Variants in OGDH observed in about 807,000 individuals in gnomAD.
The protein encoded by OGDH is oxoglutarate dehydrogenase.
OGDH carries 38 observed loss-of-function variants against 116.6 expected under a neutral mutation model. The observed-to-expected ratio is 0.33, with a 90% confidence interval of 0.25 to 0.43. OGDH has a LOEUF of 0.43. OGDH is among the 20% of genes least tolerant of loss of function. OGDH has a pLI of 1.00. For synonymous variants in OGDH, 488 were observed against 533.3 expected (o/e 0.92, Z 1.17); for missense variants, 825 against 1,357.2 (o/e 0.61, Z 6.16).
At chr7:44,610,425 T>G (rs371693834) in intron 1 of OGDH, among the ~76,000 whole-genome samples, 8 of 152,040 alleles carry the variant, frequency 5.3e-5, no homozygotes, top group Middle Eastern at 6.8e-3. Context: ...CGCCTCAGCC[T>G]CCTGAGTAGC....
chr7:44,652,359 C>G (rs1786487823), intron 4 of OGDH, among the ~76,000 whole-genome samples: 1 of 152,116 alleles, frequency 6.6e-6, no homozygotes, highest in South Asian at 2.1e-4. Context: ...ATGCCCTCGC[C>G]TCAGCCTCCC....
chr7:44,647,695 G>T lies in OGDH; in HGVS notation c.453G>T (p.Gly151=). 2 of 1,613,996 alleles carry T rather than the reference G, an allele frequency of 1.2e-6. No individual in the cohort carries two copies. The highest frequency in any genetic ancestry group is 1.7e-6 in the Non-Finnish European group (2 of 1,180,010). Residue 151 remains glycine (G), a synonymous_variant, in exon 4 of 23, where the codon GGG becomes GGT. Transcript: ENST00000222673. ...ATGTAGCACAGCTGGACCCCCTGGG[G>T]ATTTTGGATGCTGATCTGGACTCCT... The part of the protein sequence containing the change: ...GHHVAQLDPL[G]ILDADLDSSV...
intron 1 of OGDH, among the ~76,000 whole-genome samples, chr7:44,609,168 C>G (rs1303753741): frequency 6.6e-6 from 1 of 151,942 alleles, no homozygotes; most frequent in African/African-American, 2.4e-5. Flanking sequence ...TTCCAGTCAG[C>G]TTAATTCCCT....
Position 44,694,346 on chromosome 7 carries a change from A to G in OGDH, c.1516-78A>G, listed in dbSNP as rs1788489907. 9.0e-6 allele frequency: 14 copies of G among 1,557,230 alleles called. No homozygotes were observed. Among genetic ancestry groups the G allele is most frequent in the Non-Finnish European group, 1.2e-5 (14 of 1,148,086 alleles). On this transcript the variant is annotated intron_variant, in intron 11 of 22. Coordinates refer to ENST00000222673, the MANE Select transcript of OGDH (RefSeq NM_002541.4). The surrounding 1 kb of genome is among the most constrained non-coding windows in gnomAD (Gnocchi z 4.2). ...AGAACGTGGCCATCACCTAGGAGAG[A>G]TGGGGCAGGTGCCTGAACAGCACTT... is the stretch of plus-strand genomic sequence containing the variant.
chr7:44,671,135 G>T (rs1230814387), intron 5 of OGDH, among the ~76,000 whole-genome samples: 1 of 152,128 alleles, frequency 6.6e-6, no homozygotes, highest in Admixed American at 6.6e-5. Flanking sequence ...TGAAAAAGGG[G>T]TTATTTGGCT....
At chr7:44,703,845 G>A (rs990538010) in intron 20 of OGDH, among the ~76,000 whole-genome samples, 3 of 151,402 alleles carry the variant, frequency 2.0e-5, no homozygotes, top group East Asian at 3.9e-4. Context: ...AGATCACGCC[G>A]TTGCACTCCA....
chr7:44,697,834 T>A lies in OGDH; in HGVS notation c.2358+52T>A, dbSNP rs749177781. The A allele has an allele frequency of 1.3e-6, 2 of 1,566,346 alleles. No homozygotes were observed. The highest frequency in any genetic ancestry group is 1.2e-5 in the South Asian group (1 of 84,750). On this transcript the variant is annotated intron_variant, in intron 17 of 22. Transcript: ENST00000222673. The surrounding 1 kb of genome is among the most constrained non-coding windows in gnomAD (Gnocchi z 6.0). ...ACCTAGGACTTGGGAAGGGCCTGTG[T>A]AGGACCCTGACCCCAAAGACTGGCA...
chr7:44,624,648 C>A, intron 2 of OGDH, 83 bp downstream of exon 2: 3 of 1,223,004 alleles, frequency 2.5e-6, no homozygotes, highest in Non-Finnish European at 3.6e-6. Flanking sequence ...TGTGTGCGTC[C>A]TGAGGAGTCA....
In OGDH at chr7:44,673,817, T is replaced by G; in HGVS notation, c.664T>G (p.Phe222Val). The G allele has an allele frequency of 6.2e-7, 1 of 1,614,072 alleles. No homozygotes were observed. The highest frequency in any genetic ancestry group is 8.5e-7 in the Non-Finnish European group (1 of 1,180,000). Residue 222 changes from phenylalanine to valine, a missense_variant, in exon 6 of 23, where the codon TTC becomes GTC. Phe to Val is a conservative substitution (Grantham distance 50). This residue lies in a region of OGDH where 171 missense variants were observed against 276.8 expected (regional missense o/e 0.62). Coordinates refer to ENST00000222673, the MANE Select transcript of OGDH (RefSeq NM_002541.4). ...MAYCQHIGVE[F>V]MFINDLEQCQ... ...CTACTGCCAGCATATTGGGGTGGAG[T>G]TCATGTTCATCAATGACCTGGAGCA...
intron 4 of OGDH, among the ~76,000 whole-genome samples, chr7:44,661,893 C>T (rs1009085055): frequency 6.6e-6 from 1 of 152,184 alleles, no homozygotes; most frequent in African/African-American, 2.4e-5. Context: ...GCCACCACGC[C>T]TGGCGTGTTT....
chr7:44,675,762 A>G (rs560529532), intron 8 of OGDH, among the ~76,000 whole-genome samples: 1 of 152,036 alleles, frequency 6.6e-6, no homozygotes, highest in South Asian at 2.1e-4. Context: ...CTGTAATCCC[A>G]GCTACTCGGG....
In OGDH at chr7:44,697,237, G is replaced by A; in HGVS notation, c.2052-133G>A. On this transcript the variant is annotated intron_variant, in intron 15 of 22. Coordinates refer to ENST00000222673, the MANE Select transcript of OGDH (RefSeq NM_002541.4). The surrounding 1 kb of genome is among the most constrained non-coding windows in gnomAD (Gnocchi z 6.0). The stretch of plus-strand genomic sequence containing the variant: ...GTGCTTCTGTTAAGACCTGGGTGGG[G>A]CCGACCCTGCAGCTGCCTGGCCAGA... The A allele has an allele frequency of 1.4e-6, 2 of 1,467,186 alleles. No individual in the cohort carries two copies. Among genetic ancestry groups the A allele is most frequent in the Non-Finnish European group, 1.9e-6 (2 of 1,076,184 alleles). The allele number at this position is 1,467,186 out of a possible 1,614,324, so 90.9% of individuals were successfully genotyped here. A position where few individuals can be genotyped will look rare whatever the true frequency, so the allele number is the denominator to read the frequency against.
At chr7:44,666,911 G>A in intron 5 of OGDH, 60 bp downstream of exon 5, 1 of 976,280 alleles carries the variant, frequency 1.0e-6, no homozygotes, top group South Asian at 1.5e-5. Context: ...TGGCAGGATG[G>A]CTTTGAGACT....
At position 44,698,405 on chromosome 7, in the gene OGDH, G is replaced by C. The variant is rs1349169856; in HGVS notation, c.2430+142G>C. On this transcript the variant is annotated intron_variant, in intron 18 of 22. Coordinates refer to ENST00000222673, the MANE Select transcript of OGDH (RefSeq NM_002541.4). The stretch of plus-strand genomic sequence containing the variant: ...CCATCCTGGGGAGCTCACGTGAGTG[G>C]ACAGGTGTGGCCCCATGCTTCTGGG... The C allele has an allele frequency of 4.9e-6, 4 of 822,558 alleles. No individual in the cohort carries two copies. In the African/African-American group the frequency reaches 6.8e-5, roughly 14 times the overall value. 51.0% of individuals were successfully genotyped at this position (822,558 alleles called of 1,614,324 possible).
intron 10 of OGDH, among the ~76,000 whole-genome samples, chr7:44,693,472 T>A (rs1788451497): frequency 6.6e-6 from 1 of 151,844 alleles, no homozygotes; most frequent in Non-Finnish European, 1.5e-5. Flanking sequence ...ATCAAAATAA[T>A]AGAAATAATA....
chr7:44,698,302 G>A, intron 18 of OGDH, 39 bp downstream of exon 18: 1 of 1,602,446 alleles, frequency 6.2e-7, no homozygotes, highest in Non-Finnish European at 8.5e-7. Flanking sequence ...CCATTCTCGG[G>A]GTGTCTGGTG....
chr7:44,665,814 A>G (rs1262495624), intron 4 of OGDH, among the ~76,000 whole-genome samples: 2 of 152,180 alleles, frequency 1.3e-5, no homozygotes, highest in African/African-American at 4.8e-5. Context: ...ATGTCAGGAG[A>G]GATGCCAAAC....
chr7:44,665,972 C>A (rs968676881), intron 4 of OGDH, among the ~76,000 whole-genome samples: 57 of 152,346 alleles, frequency 3.7e-4, no homozygotes, highest in African/African-American at 1.3e-3. Flanking sequence ...TGTCTTCCCC[C>A]ACAGTGCTGC....
intron 1 of OGDH, among the ~76,000 whole-genome samples, chr7:44,616,268 A>T (rs115623105): frequency 6.6e-6 from 1 of 152,038 alleles, no homozygotes; most frequent in East Asian, 1.9e-4. Flanking sequence ...AAAAGTGCCT[A>T]TTTATCTACA....
Sources: gnomAD v4.1 joint callset for allele counts (sites outside exome capture counted in the v4.1 genomes callset) on GRCh38, gnomAD v4.1.1 for gene constraint, gnomAD v4.1.1 regional missense constraint, Gnocchi (gnomAD v3.1) non-coding constraint, MANE v1.5 for transcripts, NCBI Gene and HGNC (gene_info 2026-07-23, HGNC 2026-07-21) for gene names.